The following CSGALNACT1 variants were observed in gnomAD, a reference collection of about 807,000 sequenced individuals.
CSGALNACT1 encodes chondroitin sulfate N-acetylgalactosaminyltransferase 1.
A neutral mutation model predicts 51.0 loss-of-function variants in CSGALNACT1; 52 were observed. That is an observed-to-expected ratio of 1.02 (90% CI 0.82 to 1.29). The LOEUF (loss-of-function observed/expected upper bound fraction) is 1.29, where lower values mean the gene tolerates loss of function less well. CSGALNACT1 is among the 50% of genes most tolerant of loss of function. CSGALNACT1 has a pLI of 0.00. For synonymous variants in CSGALNACT1, 341 were observed against 254.4 expected, an observed-to-expected ratio of 1.34 and a Z score of -3.24; for missense variants, 935 against 679.2, an observed-to-expected ratio of 1.38 and a Z score of -4.19.
At chr8:19,408,505 A>G in intron 9 of CSGALNACT1, 108 bp downstream of exon 8, 1 of 427,960 alleles carries the variant, frequency 2.3e-6, no homozygotes, top group Non-Finnish European at 4.2e-6. Flanking sequence ...TTTGAAGGCA[A>G]TGGTACCACC....
rs571172033 is a variant in CSGALNACT1 at position 19,707,965 on chromosome 8, G to A, written c.-297+49885C>T. 9.9e-5 allele frequency among the ~76,000 whole-genome samples: 15 copies of A among 152,266 alleles called. No homozygotes were observed. In the South Asian group the frequency reaches 2.5e-3, roughly 25 times the overall value. On this transcript the variant is annotated intron_variant, in intron 1 of 1. Coordinates refer to the CSGALNACT1 transcript ENST00000517494. Reference sequence around the variant, plus strand: ...AGAGGTTGCAGTGAGCTGAGATGGCGCCACTGCACTCCAGCCTGGGTGACG... The same window carrying A: ...AGAGGTTGCAGTGAGCTGAGATGGCACCACTGCACTCCAGCCTGGGTGACG...
intron 4 of CSGALNACT1, among the ~76,000 whole-genome samples, chr8:19,486,731 G>A (rs56155045): frequency 0.14 from 21,587 of 151,992 alleles, 1,881 homozygotes; most frequent in Non-Finnish European, 0.19. Context: ...CCCCTTAAAC[G>A]CATTGATTGT....
At chr8:19,714,126 C>T (rs1012141787) in intron 1 of CSGALNACT1, among the ~76,000 whole-genome samples, 2 of 152,192 alleles carry the variant, frequency 1.3e-5, no homozygotes, top group Non-Finnish European at 2.9e-5. Context: ...ATTTTCTCAT[C>T]TATAAACCTT....
chr8:19,739,823 ACTT>A (rs1401423353), intron 1 of CSGALNACT1, among the ~76,000 whole-genome samples: 1 of 152,154 alleles, frequency 6.6e-6, no homozygotes, highest in East Asian at 1.9e-4. Context: ...CAAATTGCCT[ACTT>A]CTTGACTTAT....
chr8:19,702,683 G>T (rs2061945136), intron 1 of CSGALNACT1, among the ~76,000 whole-genome samples: 1 of 152,052 alleles, frequency 6.6e-6, no homozygotes, highest in African/African-American at 2.4e-5. Context: ...GTCACAGACT[G>T]CTCTGTTGGC....
chr8:19,425,824 C>A (rs4546679), intron 6 of CSGALNACT1, among the ~76,000 whole-genome samples: 70,820 of 151,990 alleles, frequency 0.47, 17,963 homozygotes, highest in East Asian at 0.82. Flanking sequence ...TCTCACTGTT[C>A]TCTTCCCTCA....
chr8:19,438,487 T>C (rs2060762658), intron 6 of CSGALNACT1, among the ~76,000 whole-genome samples: 1 of 152,224 alleles, frequency 6.6e-6, no homozygotes, highest in African/African-American at 2.4e-5. Flanking sequence ...GATTATTTTA[T>C]TCTATTTGAT....
chr8:19,462,854 GGTTT>G (rs936895545), intron 4 of CSGALNACT1, among the ~76,000 whole-genome samples: 14 of 151,870 alleles, frequency 9.2e-5, no homozygotes, highest in African/African-American at 2.7e-4. Context: ...AACATGTGTA[GGTTT>G]GTTACACAAG....
chr8:19,702,552 C>A (rs2061938684), intron 1 of CSGALNACT1, among the ~76,000 whole-genome samples: 1 of 152,096 alleles, frequency 6.6e-6, no homozygotes, highest in African/African-American at 2.4e-5. Context: ...ATTCTTCAAC[C>A]TGCATCTGCT....
In CSGALNACT1 at chr8:19,662,253, T is replaced by C. The variant is rs117072946; in HGVS notation, c.-544+20220A>G. On this transcript the variant is annotated intron_variant, in intron 1 of 9. Coordinates refer to the CSGALNACT1 transcript ENST00000332246. ...ACAAAACTAGCCAGGCGTGGTAGTG[T>C]GCACCTGTAATCTCAGCTACTCAGG... Among the ~76,000 whole-genome samples, 3,063 of 151,818 alleles carry C rather than the reference T, an allele frequency of 0.02. 398 individuals are homozygous for C. In the East Asian group the frequency reaches 0.37, roughly 18 times the overall value.
Position 19,482,099 on chromosome 8 carries a change from A to G in CSGALNACT1, c.634+23102T>C, listed in dbSNP as rs547794391. Among the ~76,000 whole-genome samples the G allele has an allele frequency of 1.6e-4, 25 of 152,260 alleles. No individual in the cohort carries two copies. In the South Asian group the frequency reaches 4.8e-3, roughly 29 times the overall value. On this transcript the variant is annotated intron_variant, in intron 4 of 9. Transcript: ENST00000454498. Reference sequence around the variant, plus strand: ...AGCCCTACTCCTGAGTATACACACTAGAGCTCAGCACAGCTACCGCTCCTA... The same window carrying G: ...AGCCCTACTCCTGAGTATACACACTGGAGCTCAGCACAGCTACCGCTCCTA...
intron 3 of CSGALNACT1, among the ~76,000 whole-genome samples, chr8:19,556,262 G>T (rs2039399399): frequency 6.6e-6 from 1 of 151,938 alleles, no homozygotes; most frequent in South Asian, 2.1e-4. Context: ...TGTAATCCCA[G>T]CTACTCGGGA....
chr8:19,693,015 C>G (rs1311596484), intron 1 of CSGALNACT1, among the ~76,000 whole-genome samples: 1 of 152,182 alleles, frequency 6.6e-6, no homozygotes, highest in Non-Finnish European at 1.5e-5. Flanking sequence ...CATCAGCCCC[C>G]ATCAGCACAC....
At chr8:19,610,421 T>C (rs1304023669) in intron 1 of CSGALNACT1, among the ~76,000 whole-genome samples, 1 of 151,644 alleles carries the variant, frequency 6.6e-6, no homozygotes. Context: ...TGCCCAAATG[T>C]TGCATTTCCC....
chr8:19,676,405 G>C (rs1044089495), intron 1 of CSGALNACT1, among the ~76,000 whole-genome samples: 2 of 152,172 alleles, frequency 1.3e-5, no homozygotes, highest in Non-Finnish European at 2.9e-5. Flanking sequence ...GGAAATTATA[G>C]AACTGAAAAC....
At chr8:19,628,193 G>A (rs2054694749) in intron 1 of CSGALNACT1, among the ~76,000 whole-genome samples, 1 of 152,136 alleles carries the variant, frequency 6.6e-6, no homozygotes, top group Admixed American at 6.6e-5. Context: ...CCCAAGACTG[G>A]GTGATTTACA....
At chr8:19,567,661 A>G (rs112317712) in intron 3 of CSGALNACT1, among the ~76,000 whole-genome samples, 2,877 of 152,350 alleles carry the variant, frequency 0.019, 94 homozygotes, top group South Asian at 0.064. Flanking sequence ...ATGTGAAAAT[A>G]TAAGAATTAG....
intron 6 of CSGALNACT1, among the ~76,000 whole-genome samples, chr8:19,426,879 G>C (rs1199494918): frequency 6.6e-6 from 1 of 152,152 alleles, no homozygotes; most frequent in Non-Finnish European, 1.5e-5. Context: ...ACAACTGCAA[G>C]GATAGTCTCT....
intron 3 of CSGALNACT1, among the ~76,000 whole-genome samples, chr8:19,555,385 G>T (rs145830141): frequency 1.3e-5 from 2 of 152,278 alleles, no homozygotes; most frequent in African/African-American, 2.4e-5. Flanking sequence ...GCAGGCGAAG[G>T]AGGTAGAGTT....
Sources: allele counts gnomAD v4.1 joint callset (sites outside exome capture counted in the v4.1 genomes callset), GRCh38; gene constraint gnomAD v4.1.1; transcripts MANE v1.5; gene names NCBI Gene and HGNC (gene_info 2026-07-23, HGNC 2026-07-21).